PLCH1: variants seen among roughly 807,000 people sequenced by gnomAD.
PLCH1 encodes the protein 1-phosphatidylinositol 4,5-bisphosphate phosphodiesterase eta-1.
PLCH1 carries 60 observed loss-of-function variants against 126.7 expected under a neutral mutation model. That is an observed-to-expected ratio of 0.47 (90% confidence interval 0.38 to 0.59). The LOEUF is 0.59. PLCH1 is among the 20% of genes least tolerant of loss of function. The probability of loss-of-function intolerance (pLI) is 0.00; values close to 1 mark genes in which losing one functional copy is unlikely to be tolerated. For missense variants in PLCH1, 1,723 were observed against 2,040.0 expected (o/e 0.84, Z 2.99); for synonymous variants, 719 against 734.9 (o/e 0.98, Z 0.35).
In PLCH1 at chr3:155,638,612, G is replaced by A. The variant is rs187421586; in HGVS notation, c.80-42234C>T. On this transcript the variant is annotated intron_variant, in intron 2 of 22. Transcript: ENST00000460012. Reference sequence around the variant, plus strand: ...TTGCATGTGAATGTTTATTTGTGAAGTCTTGAACTTCAAGCTACTTCCAAC... The same window carrying A: ...TTGCATGTGAATGTTTATTTGTGAAATCTTGAACTTCAAGCTACTTCCAAC... Among the ~76,000 whole-genome samples, 14 of 152,332 alleles carry A rather than the reference G, an allele frequency of 9.2e-5. No homozygotes were observed. The East Asian group carries it at 2.5e-3, about 27-fold the overall frequency.
intron 1 of PLCH1, among the ~76,000 whole-genome samples, chr3:155,705,510 T>C (rs1388868170): frequency 6.6e-6 from 1 of 152,170 alleles, no homozygotes; most frequent in Non-Finnish European, 1.5e-5. Context: ...ATATAGCTAA[T>C]TATGAAAACA....
chr3:155,575,682 C>A (rs1729846242), intron 6 of PLCH1, among the ~76,000 whole-genome samples: 1 of 152,100 alleles, frequency 6.6e-6, no homozygotes, highest in African/African-American at 2.4e-5. Context: ...TAAGTTATTT[C>A]ATTTTAGAGA....
chr3:155,606,418 T>C (rs984135154), intron 2 of PLCH1, among the ~76,000 whole-genome samples: 8 of 152,182 alleles, frequency 5.3e-5, no homozygotes, highest in Non-Finnish European at 1.0e-4. Context: ...TCACTTGATC[T>C]TTTTTACTTT....
At position 155,481,218 on chromosome 3, in the gene PLCH1, G is replaced by T; in HGVS notation, c.4808C>A (p.Ala1603Glu). 3 of 1,614,220 alleles carry T rather than the reference G, an allele frequency of 1.9e-6. No individual in the cohort carries two copies. The highest frequency in any genetic ancestry group is 1.1e-5 in the South Asian group (1 of 91,090). Residue 1603 changes from alanine (A) to glutamate (E), a missense_variant, in exon 23 of 23, where the codon GCA becomes GAA. Coordinates refer to ENST00000460012, the MANE Select transcript of PLCH1 (RefSeq NM_014996.4). The surrounding 1 kb of genome is among the most constrained non-coding windows in gnomAD (Gnocchi z 4.2). ...KQKVPNPSNG[A>E]GVVLRNKPSA... ...GGGTTTGTTTCTAAGAACCACTCCT[G>T]CCCCATTGCTGGGGTTTGGAACTTT...
chr3:155,522,141 T>G (rs1241944384), intron 11 of PLCH1, among the ~76,000 whole-genome samples: 1 of 152,178 alleles, frequency 6.6e-6, no homozygotes, highest in Non-Finnish European at 1.5e-5. Flanking sequence ...ATGATAGATC[T>G]ACACTATGGC....
rs1482816932 is a variant in PLCH1 at position 155,653,249 on chromosome 3, C to T, written c.79+50897G>A. ...GCCCAGGCTGGTCTCAAACTCCTGG[C>T]CTCAAGCAATTTTCCAGCCTTGACC... On this transcript the variant is annotated intron_variant, in intron 2 of 22. Transcript: ENST00000460012. Among the ~76,000 whole-genome samples, 3 of 152,130 alleles carry T rather than the reference C, an allele frequency of 2.0e-5. No homozygotes were observed. The East Asian group carries it at 5.8e-4, about 29-fold the overall frequency.
At chr3:155,561,402 C>T (rs921198212) in intron 8 of PLCH1, among the ~76,000 whole-genome samples, 9 of 151,116 alleles carry the variant, frequency 6.0e-5, no homozygotes, top group African/African-American at 1.9e-4. Context: ...TTTGTTCTTG[C>T]GATAGTTTCC....
intron 6 of PLCH1, among the ~76,000 whole-genome samples, chr3:155,569,491 C>T (rs1249022868): frequency 1.3e-5 from 2 of 152,018 alleles, no homozygotes; most frequent in Non-Finnish European, 1.5e-5. Flanking sequence ...CTGATGCATC[C>T]TTTGAGTAAA....
At chr3:155,678,370 A>G (rs1744260334) in intron 2 of PLCH1, among the ~76,000 whole-genome samples, 1 of 152,214 alleles carries the variant, frequency 6.6e-6, no homozygotes, top group Admixed American at 6.5e-5. Flanking sequence ...TAGCAGCTTC[A>G]TAGGGCAGGT....
At chr3:155,539,014 T>C (rs1383174154) in intron 10 of PLCH1, among the ~76,000 whole-genome samples, 2 of 151,398 alleles carry the variant, frequency 1.3e-5, no homozygotes, top group Non-Finnish European at 2.9e-5. Context: ...AACCAAATAC[T>C]AGCTAATTGA....
At position 155,716,532 on chromosome 3, in the gene PLCH1, G is replaced by A. The variant is rs572709472; in HGVS notation, c.-40-12268C>T. On this transcript the variant is annotated intron_variant, in intron 1 of 22. Transcript: ENST00000460012. ...CCCCAGGAAGCTTTTACTAATGGTG[G>A]AAGATAAAGTGGGAGCAGGCATCTG... Among the ~76,000 whole-genome samples, 25 of 152,312 alleles carry A rather than the reference G, an allele frequency of 1.6e-4. No individual in the cohort carries two copies. In the Middle Eastern group the frequency reaches 0.027, roughly 166 times the overall value.
At chr3:155,451,663 G>A (rs906959668) in intron 21 of PLCH1, among the ~76,000 whole-genome samples, 4 of 152,094 alleles carry the variant, frequency 2.6e-5, no homozygotes, top group African/African-American at 9.7e-5. Context: ...GTATTCTGTT[G>A]GTGCAAAGTA....
At chr3:155,548,096 AT>A (rs1480393741) in intron 10 of PLCH1, among the ~76,000 whole-genome samples, 3 of 152,148 alleles carry the variant, frequency 2.0e-5, no homozygotes, top group African/African-American at 7.2e-5. Flanking sequence ...TTATCAGAAA[AT>A]TTACACATAT....
At chr3:155,728,820 A>T (rs1748535681) in intron 1 of PLCH1, among the ~76,000 whole-genome samples, 1 of 152,190 alleles carries the variant, frequency 6.6e-6, no homozygotes, top group Non-Finnish European at 1.5e-5. Flanking sequence ...AGACCATATT[A>T]AAAAACATCT....
At chr3:155,625,447 T>A (rs1380696601) in intron 2 of PLCH1, among the ~76,000 whole-genome samples, 1 of 152,098 alleles carries the variant, frequency 6.6e-6, no homozygotes, top group African/African-American at 2.4e-5. Flanking sequence ...ATCATCAGAA[T>A]GAACAAGCAA....
intron 4 of PLCH1, among the ~76,000 whole-genome samples, chr3:155,588,334 G>A (rs1731647947): frequency 6.6e-6 from 1 of 152,132 alleles, no homozygotes; most frequent in African/African-American, 2.4e-5. Flanking sequence ...GAAAGTAACC[G>A]AAGAACCAAA....
At chr3:155,656,823 A>T (rs1010433573) in intron 2 of PLCH1, among the ~76,000 whole-genome samples, 3 of 152,182 alleles carry the variant, frequency 2.0e-5, no homozygotes, top group African/African-American at 7.2e-5. Context: ...AAAACAATCA[A>T]AGGCATGAGA....
intron 8 of PLCH1, among the ~76,000 whole-genome samples, chr3:155,564,054 C>A (rs1352787638): frequency 6.6e-6 from 1 of 152,096 alleles, no homozygotes; most frequent in Admixed American, 6.5e-5. Flanking sequence ...CCCAAGCAAT[C>A]CTCCCACCTC....
intron 2 of PLCH1, among the ~76,000 whole-genome samples, chr3:155,661,470 G>A (rs1742133145): frequency 6.6e-6 from 1 of 152,042 alleles, no homozygotes; most frequent in Admixed American, 6.6e-5. Context: ...GGTTCTAATT[G>A]CTAGCATCCC....
Sources: allele counts gnomAD v4.1 joint callset (sites outside exome capture counted in the v4.1 genomes callset), GRCh38; gene constraint gnomAD v4.1.1; non-coding constraint Gnocchi (gnomAD v3.1); transcripts MANE v1.5; gene names NCBI Gene and HGNC (gene_info 2026-07-23, HGNC 2026-07-21).